GABRG3: variants seen among roughly 807,000 people sequenced by gnomAD.
The protein encoded by GABRG3 is gamma-aminobutyric acid receptor subunit gamma-3.
GABRG3 carries 25 observed loss-of-function variants against 48.8 expected under a neutral mutation model. The ratio of observed to expected loss-of-function variants is 0.51; its 90% CI spans 0.37 to 0.72. The LOEUF (loss-of-function observed/expected upper bound fraction) is 0.72. Among genes scored for constraint, GABRG3 ranks in the 30% least tolerant of loss-of-function variants. The probability of loss-of-function intolerance (pLI) is 0.00; values close to 1 mark genes in which losing one functional copy is unlikely to be tolerated. For synonymous variants in GABRG3, 227 were observed against 217.6 expected, an observed-to-expected ratio of 1.04 and a Z score of -0.38; for missense variants, 394 against 577.9, an observed-to-expected ratio of 0.68 and a Z score of 3.26.
chr15:27,182,318 C>T (rs935586438), intron 3 of GABRG3, among the ~76,000 whole-genome samples: 2 of 152,048 alleles, frequency 1.3e-5, no homozygotes, highest in African/African-American at 4.8e-5. Flanking sequence ...GGTTGTTATT[C>T]GAATGTGTAC....
intron 5 of GABRG3, among the ~76,000 whole-genome samples, chr15:27,410,404 A>T (rs1887761084): frequency 6.6e-6 from 1 of 152,184 alleles, no homozygotes; most frequent in Admixed American, 6.5e-5. Context: ...ACCTTATAAA[A>T]TATTGTGGGA....
intron 3 of GABRG3, among the ~76,000 whole-genome samples, chr15:27,226,204 T>A (rs570467478): frequency 1.3e-5 from 2 of 152,154 alleles, no homozygotes; most frequent in Non-Finnish European, 2.9e-5. Flanking sequence ...TGGGTATGGA[T>A]GCACAGGCAC....
intron 5 of GABRG3, among the ~76,000 whole-genome samples, chr15:27,343,101 C>A (rs186150728): frequency 6.6e-6 from 1 of 152,182 alleles, no homozygotes; most frequent in Admixed American, 6.5e-5. Flanking sequence ...CTGCCCTTCG[C>A]GGTGGCTCAT....
At chr15:27,171,389 G>T (rs972114513) in intron 3 of GABRG3, among the ~76,000 whole-genome samples, 3 of 151,912 alleles carry the variant, frequency 2.0e-5, no homozygotes, top group African/African-American at 7.3e-5. Context: ...AGAAATAAAG[G>T]AACGTTGTCG....
intron 3 of GABRG3, among the ~76,000 whole-genome samples, chr15:27,264,775 A>T (rs1890868035): frequency 6.6e-6 from 1 of 152,072 alleles, no homozygotes; most frequent in Non-Finnish European, 1.5e-5. Context: ...AATTAAAACA[A>T]AAAAATCTTA....
intron 5 of GABRG3, among the ~76,000 whole-genome samples, chr15:27,448,311 G>A (rs1889004221): frequency 1.3e-5 from 2 of 152,150 alleles, no homozygotes; most frequent in African/African-American, 2.4e-5. Flanking sequence ...GGCACAAATG[G>A]GATCTGGAAT....
rs1482842612 is a variant in GABRG3 at position 27,538,644 on chromosome 15, T to C, written c.*5763T>C. ...TCTATGTCTGCCGAACAGTTTAAAT[T>C]GAACAGGTTGGAAAGAACATTGATT... On this transcript the variant is annotated 3_prime_UTR_variant, in exon 10 of 10. Transcript: ENST00000615808. 1 of 152,228 alleles carries C rather than the reference T, an allele frequency of 6.6e-6. No homozygotes were observed. Among genetic ancestry groups the C allele is most frequent in the Non-Finnish European group, 1.5e-5 (1 of 68,044 alleles). 9.4% of individuals were successfully genotyped at this position (152,228 alleles called of 1,614,324 possible). A position where few individuals can be genotyped will look rare whatever the true frequency, so the allele number is the denominator to read the frequency against.
intron 3 of GABRG3, among the ~76,000 whole-genome samples, chr15:27,238,260 T>C (rs1386638263): frequency 6.6e-6 from 1 of 152,232 alleles, no homozygotes; most frequent in Non-Finnish European, 1.5e-5. Context: ...TTTGATGTGT[T>C]TAAGTGGATA....
At chr15:27,334,613 G>T (rs952896567) in intron 5 of GABRG3, among the ~76,000 whole-genome samples, 2 of 152,134 alleles carry the variant, frequency 1.3e-5, no homozygotes, top group African/African-American at 2.4e-5. Flanking sequence ...TCTTTAAAAT[G>T]CTATGGTATG....
At chr15:27,305,664 T>C (rs1281024076) in intron 3 of GABRG3, among the ~76,000 whole-genome samples, 1 of 120,488 alleles carries the variant, frequency 8.3e-6, no homozygotes, top group African/African-American at 3.0e-5. Context: ...ACATATATAA[T>C]ATAAACCTAT....
At chr15:27,307,629 A>G (rs1012271833) in intron 3 of GABRG3, among the ~76,000 whole-genome samples, 2 of 125,166 alleles carry the variant, frequency 1.6e-5, no homozygotes, top group Admixed American at 1.8e-4. Context: ...ATAGGTTTAT[A>G]TATTTATATA....
chr15:27,088,606 C>G (rs890662711), intron 3 of GABRG3, among the ~76,000 whole-genome samples: 7 of 152,102 alleles, frequency 4.6e-5, no homozygotes, highest in African/African-American at 1.7e-4. Flanking sequence ...TGGGAGGCCT[C>G]GGAAACTCAC....
intron 3 of GABRG3, among the ~76,000 whole-genome samples, chr15:27,258,796 T>TA (rs767083482): frequency 8.5e-5 from 13 of 152,162 alleles, no homozygotes; most frequent in Non-Finnish European, 1.6e-4. Flanking sequence ...TACAGTAAGT[T>TA]ATAGTTAACC....
chr15:27,193,962 T>C (rs529166333), intron 3 of GABRG3, among the ~76,000 whole-genome samples: 23 of 152,348 alleles, frequency 1.5e-4, no homozygotes, highest in South Asian at 4.1e-4. Context: ...ATAATGTTTG[T>C]TTTCTCTGTC....
chr15:27,312,215 C>G (rs529141335), intron 3 of GABRG3, among the ~76,000 whole-genome samples: 30 of 152,062 alleles, frequency 2.0e-4, no homozygotes, highest in Admixed American at 1.9e-3. Context: ...AAGATAGAAA[C>G]AGTGAACATG....
chr15:27,251,906 A>G (rs1890468363), intron 3 of GABRG3, among the ~76,000 whole-genome samples: 1 of 152,146 alleles, frequency 6.6e-6, no homozygotes, highest in Admixed American at 6.5e-5. Context: ...CGTCCTTGCC[A>G]CAGTCAGATG....
chr15:27,357,435 C>G (rs1894878098), intron 5 of GABRG3, among the ~76,000 whole-genome samples: 1 of 152,200 alleles, frequency 6.6e-6, no homozygotes, highest in African/African-American at 2.4e-5. Flanking sequence ...CCACCCAAAA[C>G]TTTTATTTAT....
At chr15:27,454,317 A>C (rs1047875971) in intron 5 of GABRG3, among the ~76,000 whole-genome samples, 2 of 152,226 alleles carry the variant, frequency 1.3e-5, no homozygotes, top group African/African-American at 2.4e-5. Flanking sequence ...AAATGGGAGA[A>C]AAGCCACAAA....
chr15:26,986,782 C>A (rs1895158624), intron 2 of GABRG3, among the ~76,000 whole-genome samples: 1 of 152,054 alleles, frequency 6.6e-6, no homozygotes, highest in Non-Finnish European at 1.5e-5. Context: ...CATAGAATAA[C>A]AAATGATCTG....
Sources: gnomAD v4.1 joint callset for allele counts (sites outside exome capture counted in the v4.1 genomes callset) on GRCh38, gnomAD v4.1.1 for gene constraint, MANE v1.5 for transcripts, NCBI Gene and HGNC (gene_info 2026-07-23, HGNC 2026-07-21) for gene names.